RNF11: variants seen among roughly 807,000 people sequenced by gnomAD.
RNF11 encodes the protein ring finger protein 11.
A neutral mutation model predicts 15.8 loss-of-function variants in RNF11; 4 were observed. The ratio of observed to expected loss-of-function variants is 0.25; its 90% CI spans 0.12 to 0.58. The LOEUF (loss-of-function observed/expected upper bound fraction) is 0.58, where lower values mean the gene tolerates loss of function less well. Among genes scored for constraint, RNF11 ranks in the 20% least tolerant of loss-of-function variants. RNF11 has a pLI of 0.91. For missense variants in RNF11, 139 were observed against 194.4 expected (o/e 0.71, Z 1.70); for synonymous variants, 68 against 72.3 (o/e 0.94, Z 0.30).
chr1:51,263,770 C>T (rs1646941087), intron 1 of RNF11, among the ~76,000 whole-genome samples: 1 of 152,074 alleles, frequency 6.6e-6, no homozygotes, highest in Non-Finnish European at 1.5e-5. Flanking sequence ...TTAATGAGTA[C>T]ACTTTCTTTT....
rs1456863016 is a variant in RNF11, at chr1:51,239,450, G to A, written c.123+2571G>A. 4.6e-5 allele frequency among the ~76,000 whole-genome samples: 7 copies of A among 152,138 alleles called. No individual in the cohort carries two copies. The East Asian group carries it at 1.3e-3, about 29-fold the overall frequency. On this transcript the variant is annotated intron_variant, in intron 1 of 2. Transcript: ENST00000242719. ...AGAAGAAAATTACTTTAAAACATGG[G>A]AGCATAAAAAGAAACTTTTGGAGAA...
chr1:51,270,287 G>T (rs1436975052), intron 2 of RNF11, among the ~76,000 whole-genome samples, 162 bp downstream of exon 2: 3 of 152,076 alleles, frequency 2.0e-5, no homozygotes, highest in African/African-American at 7.2e-5. Flanking sequence ...TCTATTACTG[G>T]CTACTAGCAA....
At chr1:51,254,683 G>A (rs1338615377) in intron 1 of RNF11, among the ~76,000 whole-genome samples, 2 of 152,068 alleles carry the variant, frequency 1.3e-5, no homozygotes, top group Admixed American at 6.6e-5. Flanking sequence ...GGCAGGTCTC[G>A]AACTCCCAGA....
At chr1:51,236,968 C>G in intron 1 of RNF11, 89 bp downstream of exon 1, 1 of 1,486,362 alleles carries the variant, frequency 6.7e-7, no homozygotes, top group Non-Finnish European at 9.0e-7. Context: ...CCCCTGGCTT[C>G]GGCAAGGCCT....
chr1:51,254,703 T>C (rs1270309448), intron 1 of RNF11, among the ~76,000 whole-genome samples: 1 of 152,176 alleles, frequency 6.6e-6, no homozygotes. Flanking sequence ...ACTCAAGTGA[T>C]CTGCCCACCT....
intron 1 of RNF11, among the ~76,000 whole-genome samples, chr1:51,241,218 G>A (rs1646827716): frequency 6.6e-6 from 1 of 152,212 alleles, no homozygotes; most frequent in South Asian, 2.1e-4. Flanking sequence ...CTCTTGAGTA[G>A]CTAGGGTTAC....
chr1:51,256,954 G>A (rs1277204473), intron 1 of RNF11, among the ~76,000 whole-genome samples: 9 of 152,174 alleles, frequency 5.9e-5, no homozygotes, highest in South Asian at 2.1e-4. Flanking sequence ...GATTACTGGC[G>A]TGAGCCACCG....
At chr1:51,256,403 A>AT (rs1646904651) in intron 1 of RNF11, among the ~76,000 whole-genome samples, 1 of 151,992 alleles carries the variant, frequency 6.6e-6, no homozygotes, top group African/African-American at 2.4e-5. Flanking sequence ...TAGCTCATTT[A>AT]TTTTTTAGTG....
chr1:51,240,226 C>T (rs975656630), intron 1 of RNF11, among the ~76,000 whole-genome samples: 1 of 152,230 alleles, frequency 6.6e-6, no homozygotes, highest in African/African-American at 2.4e-5. Flanking sequence ...TTGACACCTA[C>T]AGCTAACCCC....
intron 1 of RNF11, among the ~76,000 whole-genome samples, chr1:51,252,611 G>A (rs1646884970): frequency 6.6e-6 from 1 of 151,892 alleles, no homozygotes; most frequent in Admixed American, 6.6e-5. Flanking sequence ...GTGAAACCCT[G>A]TCTCAAAAAA....
chr1:51,263,558 TTTGGTAATTCTCGTGC>T (rs1446130625), intron 1 of RNF11, among the ~76,000 whole-genome samples: 1 of 152,228 alleles, frequency 6.6e-6, no homozygotes, highest in Non-Finnish European at 1.5e-5. Flanking sequence ...CTCTGCTACA[TTTGGTAATTCTCGTGC>T]TTTCAGACTC....
Position 51,271,554 on chromosome 1 carries a change from AATTGTATTTAGATCTTGTT to A in RNF11, c.*237_*255del, listed in dbSNP as rs1435441928. ...GCCTTGACCCAATGTTTAAAAATAT[AATTGTATTTAGATCTTGTT>A]ATTGCTCCAGTACATAGGAATTGTG... is the stretch of plus-strand genomic sequence containing the variant. On this transcript the variant is annotated 3_prime_UTR_variant, in exon 3 of 3. Transcript: ENST00000242719. The A allele has an allele frequency of 7.3e-6, 3 of 408,330 alleles. No homozygotes were observed. The highest frequency in any genetic ancestry group is 8.9e-6 in the Non-Finnish European group (2 of 225,084). 25.3% of individuals were successfully genotyped at this position (408,330 alleles called of 1,614,324 possible).
At position 51,236,737 on chromosome 1, in the gene RNF11, A is replaced by G. The variant is rs1425919235; in HGVS notation, c.-20A>G. On this transcript the variant is annotated 5_prime_UTR_variant, in exon 1 of 3. Transcript: ENST00000242719. ...CCGCTGCTTTCTCCTCCCCCAGATC[A>G]CGCACCCCAGCTCCGGAAGATGGGG... 6.2e-7 allele frequency: 1 copy of G among 1,610,000 alleles called. No individual in the cohort carries two copies. The highest frequency in any genetic ancestry group is 1.1e-5 in the South Asian group (1 of 90,674).
At chr1:51,259,732 T>C (rs1305496732) in intron 1 of RNF11, among the ~76,000 whole-genome samples, 1 of 152,226 alleles carries the variant, frequency 6.6e-6, no homozygotes, top group South Asian at 2.1e-4. Context: ...CCTGTTCTTT[T>C]CTAAAGCACT....
chr1:51,236,593 C>T lies in RNF11; in HGVS notation c.-164C>T. Reference sequence around the variant, plus strand: ...TTGATCCCCCAACCCCGGGGGCTGGCATGAGCGGCCCCTCGGCGGCACCGT... The same window carrying T: ...TTGATCCCCCAACCCCGGGGGCTGGTATGAGCGGCCCCTCGGCGGCACCGT... On this transcript the variant is annotated 5_prime_UTR_variant, in exon 1 of 3. Transcript: ENST00000242719. 6 of 714,774 alleles carry T rather than the reference C, an allele frequency of 8.4e-6. No homozygotes were observed. Among genetic ancestry groups the T allele is most frequent in the Non-Finnish European group, 1.0e-5 (5 of 479,490 alleles). 44.3% of individuals were successfully genotyped at this position (714,774 alleles called of 1,614,324 possible).
In RNF11 at chr1:51,236,603, C is replaced by T. The variant is rs1031098717; in HGVS notation, c.-154C>T. The T allele has an allele frequency of 4.3e-6, 4 of 939,062 alleles. No homozygotes were observed. Among genetic ancestry groups the T allele is most frequent in the Non-Finnish European group, 6.2e-6 (4 of 644,466 alleles). 58.2% of individuals were successfully genotyped at this position (939,062 alleles called of 1,614,324 possible). A position where few individuals can be genotyped will look rare whatever the true frequency, so the allele number is the denominator to read the frequency against. On this transcript the variant is annotated 5_prime_UTR_variant, in exon 1 of 3. Coordinates refer to ENST00000242719, the MANE Select transcript of RNF11 (RefSeq NM_014372.5). The stretch of plus-strand genomic sequence containing the variant: ...AACCCCGGGGGCTGGCATGAGCGGC[C>T]CCTCGGCGGCACCGTGGGGCGGTGG...
At position 51,270,138 on chromosome 1, in the gene RNF11, T is replaced by C; in HGVS notation, c.293+13T>C. ...AAAAGATCCGGGAGTAAGTTTTAAT[T>C]AATTTGTACATTTCAAAGTTTTATT... On this transcript the variant is annotated intron_variant, in intron 2 of 2. Transcript: ENST00000242719. The C allele has an allele frequency of 6.3e-7, 1 of 1,577,208 alleles. No homozygotes were observed. Among genetic ancestry groups the C allele is most frequent in the African/African-American group, 1.4e-5 (1 of 72,966 alleles).
chr1:51,253,828 A>AT (rs1486181582), intron 1 of RNF11, among the ~76,000 whole-genome samples: 1 of 152,136 alleles, frequency 6.6e-6, no homozygotes, highest in African/African-American at 2.4e-5. Flanking sequence ...ATTTGTATAA[A>AT]TTTTTTTAGG....
At chr1:51,247,872 C>T (rs1369824747) in intron 1 of RNF11, among the ~76,000 whole-genome samples, 1 of 152,116 alleles carries the variant, frequency 6.6e-6, no homozygotes, top group Admixed American at 6.5e-5. Context: ...AGCAACCCTC[C>T]AAATATATTT....
Sources: gnomAD v4.1 joint callset for allele counts (sites outside exome capture counted in the v4.1 genomes callset) on GRCh38, gnomAD v4.1.1 for gene constraint, MANE v1.5 for transcripts, NCBI Gene and HGNC (gene_info 2026-07-23, HGNC 2026-07-21) for gene names.